TMC2: variants seen among roughly 807,000 people sequenced by gnomAD.
The protein encoded by TMC2 is transmembrane channel-like protein 2.
TMC2 carries 102 observed loss-of-function variants against 105.9 expected under a neutral mutation model. That is an observed-to-expected ratio of 0.96 (90% CI 0.82 to 1.14). The LOEUF (loss-of-function observed/expected upper bound fraction) is 1.14, where lower values mean the gene tolerates loss of function less well. Among genes scored for constraint, TMC2 ranks in the 50% most tolerant of loss-of-function variants. The pLI is 0.00. For synonymous variants in TMC2, 402 were observed against 422.8 expected, an observed-to-expected ratio of 0.95 and a Z score of 0.60; for missense variants, 1,093 against 1,134.3, an observed-to-expected ratio of 0.96 and a Z score of 0.52.
chr20:2,552,923 CT>C (rs1259687510), intron 2 of TMC2, among the ~76,000 whole-genome samples: 3 of 152,162 alleles, frequency 2.0e-5, no homozygotes, highest in Non-Finnish European at 4.4e-5. Context: ...GCATACTAAC[CT>C]TGCATCCTGC....
intron 2 of TMC2, among the ~76,000 whole-genome samples, chr20:2,556,371 G>T (rs1168048921): frequency 2.0e-5 from 3 of 152,146 alleles, no homozygotes; most frequent in Non-Finnish European, 2.9e-5. Context: ...GAGCCACCAG[G>T]TTTGGCCTAT....
chr20:2,634,259 A>G (rs138967232), intron 17 of TMC2, among the ~76,000 whole-genome samples: 1 of 152,300 alleles, frequency 6.6e-6, no homozygotes, highest in Non-Finnish European at 1.5e-5. Context: ...ACACTCTGCA[A>G]TGGCGCCTCT....
At chr20:2,538,409 G>A (rs997101860) in intron 2 of TMC2, among the ~76,000 whole-genome samples, 1 of 152,136 alleles carries the variant, frequency 6.6e-6, no homozygotes, top group Non-Finnish European at 1.5e-5. Context: ...GAGCAAATGT[G>A]AGAAAGTTCT....
intron 17 of TMC2, among the ~76,000 whole-genome samples, chr20:2,630,646 A>C (rs1371078999): frequency 6.6e-6 from 1 of 152,086 alleles, no homozygotes; most frequent in Non-Finnish European, 1.5e-5. Flanking sequence ...ACATGGCAAG[A>C]CCCATCTCTA....
intron 9 of TMC2, among the ~76,000 whole-genome samples, chr20:2,596,717 ATGTGTG>A (rs35925886): frequency 1.2e-4 from 17 of 146,210 alleles, no homozygotes; most frequent in African/African-American, 4.3e-4. Flanking sequence ...AAAAATATAT[ATGTGTG>A]TGTGTGTGTG....
chr20:2,597,140 G>C lies in TMC2; in HGVS notation c.1077-11G>C. ...AGGGCAGACGTCACAACAGTGCTGT[G>C]TGCCCTACAGGATGGCCAGCAATAC... is the stretch of plus-strand genomic sequence containing the variant. On this transcript the variant is annotated splice_polypyrimidine_tract_variant and intron_variant, in intron 9 of 19. Coordinates refer to ENST00000358864, the MANE Select transcript of TMC2 (RefSeq NM_080751.3). 3 of 1,613,558 alleles carry C rather than the reference G, an allele frequency of 1.9e-6. No homozygotes were observed. Among genetic ancestry groups the C allele is most frequent in the Non-Finnish European group, 2.5e-6 (3 of 1,179,690 alleles).
chr20:2,610,654 C>T (rs556264224), intron 12 of TMC2, 56 bp downstream of exon 12: 510 of 1,071,788 alleles, frequency 4.8e-4, no homozygotes, highest in Middle Eastern at 1.6e-3. Flanking sequence ...ATAGTATTTT[C>T]TTTTTTAATA....
At chr20:2,579,256 A>C in intron 6 of TMC2, 29 bp downstream of exon 6, 1 of 1,406,914 alleles carries the variant, frequency 7.1e-7, no homozygotes. Flanking sequence ...CTGTTTTTTT[A>C]ATTGGTTTCC....
chr20:2,576,380 C>T lies in TMC2; in HGVS notation c.646-2766C>T, dbSNP rs911483323. 2.2e-4 allele frequency among the ~76,000 whole-genome samples: 34 copies of T among 152,210 alleles called. 1 individual carries two copies. The highest frequency in any genetic ancestry group is 1.8e-3 in the Admixed American group (28 of 15,290). ...AGAGCATCTCCCAGGCCTCTCTCTG[C>T]CTCTGCTCCAGTTCTGGGGCCTCAC... is the stretch of plus-strand genomic sequence containing the variant. On this transcript the variant is annotated intron_variant, in intron 5 of 19. Transcript: ENST00000358864.
At chr20:2,546,134 A>C (rs1406973782) in intron 2 of TMC2, among the ~76,000 whole-genome samples, 1 of 152,168 alleles carries the variant, frequency 6.6e-6, no homozygotes, top group Non-Finnish European at 1.5e-5. Context: ...GACATGATGA[A>C]GGTTTTGGAT....
At chr20:2,635,360 C>T (rs1165527677) in intron 17 of TMC2, among the ~76,000 whole-genome samples, 2 of 152,200 alleles carry the variant, frequency 1.3e-5, no homozygotes, top group African/African-American at 2.4e-5. Flanking sequence ...CCACCTCCCC[C>T]TCTCAGGGTT....
chr20:2,595,105 A>G (rs1329157747), intron 9 of TMC2, 138 bp downstream of exon 9: 2 of 1,003,186 alleles, frequency 2.0e-6, no homozygotes, highest in African/African-American at 3.2e-5. Flanking sequence ...TATGCACATT[A>G]TAATTTGTGG....
chr20:2,585,628 T>C (rs1276190840), intron 7 of TMC2, among the ~76,000 whole-genome samples: 2 of 152,132 alleles, frequency 1.3e-5, no homozygotes, highest in African/African-American at 2.4e-5. Context: ...TCTCAGAAGA[T>C]ACAATTTCAA....
intron 5 of TMC2, among the ~76,000 whole-genome samples, chr20:2,578,348 C>G (rs113977876): frequency 0.016 from 2,362 of 152,208 alleles, 74 homozygotes; most frequent in African/African-American, 0.052. Flanking sequence ...ATAATGGGAA[C>G]TGATCTTAGG....
intron 5 of TMC2, 147 bp downstream of exon 5, chr20:2,572,416 C>T: frequency 3.1e-6 from 2 of 642,944 alleles, no homozygotes; most frequent in Non-Finnish European, 2.8e-6. Context: ...CCATTCTGAT[C>T]CATCTAGGCA....
chr20:2,594,830 T>C lies in TMC2; in HGVS notation c.939T>C (p.Tyr313=), dbSNP rs1205274142. ...DFSVLWDFEG[Y]IKYSALFYGY... ...TTGGCTTTGCTGTCCCCCAGGGCTA[T>C]ATCAAGTACTCTGCACTCTTCTATG... The change falls in exon 9 of 20, where the codon TAT becomes TAC. Residue 313 remains tyrosine (Y), a synonymous_variant. Transcript: ENST00000358864. 6.2e-7 allele frequency: 1 copy of C among 1,614,048 alleles called. No homozygotes were observed. The highest frequency in any genetic ancestry group is 1.1e-5 in the South Asian group (1 of 91,066).
At chr20:2,600,849 T>C (rs1568520040) in intron 10 of TMC2, among the ~76,000 whole-genome samples, 1 of 149,376 alleles carries the variant, frequency 6.7e-6, no homozygotes, top group Non-Finnish European at 1.5e-5. Flanking sequence ...TAGCCGGGTG[T>C]GGTGGTGGGC....
chr20:2,564,391 C>A (rs1401291525), intron 4 of TMC2, among the ~76,000 whole-genome samples: 2 of 151,928 alleles, frequency 1.3e-5, no homozygotes, highest in African/African-American at 2.4e-5. Context: ...ACCTCATGAT[C>A]CGCCCGCCTC....
At chr20:2,568,712 G>A (rs1389475748) in intron 4 of TMC2, among the ~76,000 whole-genome samples, 1 of 152,154 alleles carries the variant, frequency 6.6e-6, no homozygotes, top group Admixed American at 6.5e-5. Flanking sequence ...TGTTGCAGTG[G>A]TATTGGTGTT....
Sources: gnomAD v4.1 joint callset for allele counts (sites outside exome capture counted in the v4.1 genomes callset) on GRCh38, gnomAD v4.1.1 for gene constraint, MANE v1.5 for transcripts, NCBI Gene and HGNC (gene_info 2026-07-23, HGNC 2026-07-21) for gene names.